Variants in FUBP3 observed in about 807,000 individuals in gnomAD.
FUBP3 encodes far upstream element-binding protein 3.
FUBP3 carries 28 observed loss-of-function variants against 85.6 expected under a neutral mutation model. The ratio of observed to expected loss-of-function variants is 0.33; its 90% confidence interval spans 0.24 to 0.45. The LOEUF is 0.45. FUBP3 is among the 20% of genes least tolerant of loss of function. The probability of loss-of-function intolerance (pLI) is 1.00; values close to 1 mark genes in which losing one functional copy is unlikely to be tolerated. For synonymous variants in FUBP3, 271 were observed against 271.4 expected, an observed-to-expected ratio of 1.00 and a Z score of 0.01; for missense variants, 583 against 755.1, an observed-to-expected ratio of 0.77 and a Z score of 2.67.
intron 13 of FUBP3, 35 bp from the exon 14 acceptor site, chr9:130,631,522 A>G: frequency 6.3e-7 from 1 of 1,576,282 alleles, no homozygotes; most frequent in Non-Finnish European, 8.7e-7. Context: ...GTGTGCAACC[A>G]ACAGCGGGTG....
rs750658354 is a variant in FUBP3, at chr9:130,595,484, T to G, written c.86T>G (p.Ile29Ser). 6.9e-7 allele frequency: 1 copy of G among 1,449,742 alleles called. No individual in the cohort carries two copies. The highest frequency in any genetic ancestry group is 1.4e-5 in the African/African-American group (1 of 71,822). The allele number at this position is 1,449,742 out of a possible 1,614,324, so 89.8% of individuals were successfully genotyped here. A position where few individuals can be genotyped will look rare whatever the true frequency, so the allele number is the denominator to read the frequency against. ...FVDALHRVRQ[I>S]AAKIDSIPHL... Reference sequence around the variant, plus strand: ...GTTTAAATCTGATTCTCTCTGTAGATTGCTGCTAAAATTGATTCAATTCCT... The same window carrying G: ...GTTTAAATCTGATTCTCTCTGTAGAGTGCTGCTAAAATTGATTCAATTCCT... The change falls in exon 2 of 19, where the codon ATT becomes AGT. Residue 29 changes from isoleucine (I) to serine (S), a missense_variant and splice_region_variant. Ile to Ser is a moderately radical substitution (Grantham distance 142). Around this residue, in one of 3 missense-constraint regions of FUBP3, gnomAD observed 177 missense variants for 221.9 expected, o/e 0.80. Coordinates refer to ENST00000319725, the MANE Select transcript of FUBP3 (RefSeq NM_003934.2).
intron 13 of FUBP3, 25 bp downstream of exon 13, chr9:130,630,813 C>A: frequency 7.0e-7 from 1 of 1,435,184 alleles, no homozygotes; most frequent in African/African-American, 1.5e-5. Flanking sequence ...CTTCCCCCAC[C>A]TGGTTTACTC....
rs1830381745 is a variant in FUBP3 at position 130,635,498 on chromosome 9, C to G, written c.1583-501C>G. 6.6e-6 allele frequency among the ~76,000 whole-genome samples: 1 copy of G among 152,152 alleles called. No homozygotes were observed. Among genetic ancestry groups the G allele is most frequent in the Non-Finnish European group, 1.5e-5 (1 of 68,036 alleles). On this transcript the variant is annotated intron_variant, in intron 17 of 18. Transcript: ENST00000319725. The surrounding 1 kb of genome is among the most constrained non-coding windows in gnomAD (Gnocchi z 4.3). ...TGGCATCATCGCCAGGTTCATGGCC[C>G]TTCTAGGGGTTGGAGGTGGGGGTGT...
chr9:130,589,992 G>T (rs1207471067), intron 1 of FUBP3, among the ~76,000 whole-genome samples: 1 of 134,180 alleles, frequency 7.5e-6, no homozygotes, highest in African/African-American at 2.8e-5. Flanking sequence ...TGGGATTACA[G>T]ATATGAGCCA....
At chr9:130,626,234 T>C (rs562112024) in intron 11 of FUBP3, 130 bp from the exon 12 acceptor site, 1 of 889,304 alleles carries the variant, frequency 1.1e-6, no homozygotes, top group Admixed American at 2.6e-5. Context: ...GAATGGGAAG[T>C]GTGGAAAGGT....
intron 9 of FUBP3, 35 bp from the exon 10 acceptor site, chr9:130,622,673 A>G (rs367775349): frequency 2.3e-5 from 24 of 1,063,454 alleles, no homozygotes; most frequent in Non-Finnish European, 3.1e-5. Context: ...AGGTTTGTGA[A>G]AAGTTCTGAT....
At position 130,628,096 on chromosome 9, in the gene FUBP3, A is replaced by G. The variant is rs953912489; in HGVS notation, c.1117+1591A>G. Among the ~76,000 whole-genome samples the G allele has an allele frequency of 9.0e-3, 918 of 101,454 alleles. 11 individuals are homozygous for G. Among genetic ancestry groups the G allele is most frequent in the African/African-American group, 0.032 (717 of 22,548 alleles). The allele number at this position is 101,454 out of a possible 152,430, so 66.6% of individuals were successfully genotyped here. On this transcript the variant is annotated intron_variant, in intron 12 of 18. Coordinates refer to ENST00000319725, the MANE Select transcript of FUBP3 (RefSeq NM_003934.2). ...CCGCACTAAACACACGCACGCACGC[A>G]CGCACGCGCACACACACACACACAC...
At position 130,579,617 on chromosome 9, in the gene FUBP3, A is replaced by T. The variant is rs1441577065; in HGVS notation, c.-64A>T. On this transcript the variant is annotated 5_prime_UTR_variant, in exon 1 of 19. Coordinates refer to ENST00000319725, the MANE Select transcript of FUBP3 (RefSeq NM_003934.2). ...GTCCCCAAGCGGAGCGGGAGGCCGG[A>T]CCGGGGAGCCGAGCGGCGGCGTCGG... 9.7e-7 allele frequency: 1 copy of T among 1,036,132 alleles called. No individual in the cohort carries two copies. The highest frequency in any genetic ancestry group is 1.7e-5 in the African/African-American group (1 of 60,152). 64.2% of individuals were successfully genotyped at this position (1,036,132 alleles called of 1,614,324 possible). A position where few individuals can be genotyped will look rare whatever the true frequency, so the allele number is the denominator to read the frequency against.
chr9:130,603,905 T>C (rs1831292105), intron 2 of FUBP3, among the ~76,000 whole-genome samples: 1 of 152,148 alleles, frequency 6.6e-6, no homozygotes, highest in Non-Finnish European at 1.5e-5. Context: ...TGGGCATTTA[T>C]CCCCAAGAAA....
chr9:130,632,571 C>T (rs899665917), intron 16 of FUBP3, among the ~76,000 whole-genome samples: 6 of 152,250 alleles, frequency 3.9e-5, no homozygotes, highest in African/African-American at 1.4e-4. Context: ...CTGTCACTTT[C>T]GTTCCCTATG....
Position 130,612,788 on chromosome 9 carries a change from G to A in FUBP3, c.275-168G>A, listed in dbSNP as rs923264754. ...TCTGCCTGTAGGCTGTTTCACAAGGGCTTTCTGCTGCCATCATGCCCAAAG... is the reference window on the plus strand; with the variant it reads ...TCTGCCTGTAGGCTGTTTCACAAGGACTTTCTGCTGCCATCATGCCCAAAG... On this transcript the variant is annotated intron_variant, in intron 4 of 18. Coordinates refer to ENST00000319725, the MANE Select transcript of FUBP3 (RefSeq NM_003934.2). This position sits in a 1 kb window ranked among gnomAD's most constrained non-coding sequence, Gnocchi z 4.1. Among the ~76,000 whole-genome samples the A allele has an allele frequency of 6.6e-6, 1 of 152,152 alleles. No homozygotes were observed. The highest frequency in any genetic ancestry group is 2.4e-5 in the African/African-American group (1 of 41,432).
chr9:130,612,967 G>C lies in FUBP3; in HGVS notation c.286G>C (p.Gly96Arg). ...TCAATTTGTTTCAGTTATCGGCAGG[G>C]GAGGTGAGCAGATTTCACGGATTCA... ...DKMVGFIIGRGGEQISRIQAE... is the reference protein window; with the variant it reads ...DKMVGFIIGRRGEQISRIQAE... Residue 96 changes from glycine (G) to arginine (R), a missense_variant, in exon 5 of 19, where the codon GGA (glycine) becomes CGA (arginine). Physicochemically the swap from Gly to Arg is moderately radical, Grantham distance 125. Around this residue, in one of 3 missense-constraint regions of FUBP3, gnomAD observed 177 missense variants for 221.9 expected, o/e 0.80. Coordinates refer to ENST00000319725, the MANE Select transcript of FUBP3 (RefSeq NM_003934.2). This position sits in a 1 kb window ranked among gnomAD's most constrained non-coding sequence, Gnocchi z 4.1. The C allele has an allele frequency of 6.2e-7, 1 of 1,611,622 alleles. No homozygotes were observed. The highest frequency in any genetic ancestry group is 8.5e-7 in the Non-Finnish European group (1 of 1,177,708).
At chr9:130,625,870 C>T (rs893146889) in intron 11 of FUBP3, among the ~76,000 whole-genome samples, 4 of 152,156 alleles carry the variant, frequency 2.6e-5, no homozygotes, top group Non-Finnish European at 4.4e-5. Flanking sequence ...GAGTAAAATC[C>T]GTTTATCCTT....
intron 2 of FUBP3, chr9:130,596,584 ACTC>A: frequency 2.9e-6 from 1 of 343,350 alleles, no homozygotes; most frequent in Non-Finnish European, 5.8e-6. Context: ...GCGCCGTTGA[ACTC>A]CTGGGCTCGA....
Position 130,635,694 on chromosome 9 carries a change from CTCTG to C in FUBP3, c.1583-298_1583-295del, listed in dbSNP as rs1830389443. Among the ~76,000 whole-genome samples the C allele has an allele frequency of 1.3e-5, 2 of 151,156 alleles. No homozygotes were observed. The highest frequency in any genetic ancestry group is 2.0e-4 in the East Asian group (1 of 5,042). On this transcript the variant is annotated intron_variant, in intron 17 of 18. Coordinates refer to ENST00000319725, the MANE Select transcript of FUBP3 (RefSeq NM_003934.2). The surrounding 1 kb of genome is among the most constrained non-coding windows in gnomAD (Gnocchi z 4.3). ...CACCCCCACCCCAGGATCCCCCCTTCTCTGTCTGTCACAGGGCCCTGGGAGCTGA... is the reference window on the plus strand; with the variant it reads ...CACCCCCACCCCAGGATCCCCCCTTCTCTGTCACAGGGCCCTGGGAGCTGA...
At position 130,590,872 on chromosome 9, in the gene FUBP3, C is replaced by T. The variant is rs189246961; in HGVS notation, c.85-4611C>T. Among the ~76,000 whole-genome samples, 32 of 152,290 alleles carry T rather than the reference C, an allele frequency of 2.1e-4. No homozygotes were observed. The East Asian group carries it at 6.0e-3, about 28-fold the overall frequency. On this transcript the variant is annotated intron_variant, in intron 1 of 18. Coordinates refer to ENST00000319725, the MANE Select transcript of FUBP3 (RefSeq NM_003934.2). ...AAAATAGGAAATTAATGTTTTCTAA[C>T]TTTAATGATTTGTGTACCTCCTTTA...
intron 1 of FUBP3, among the ~76,000 whole-genome samples, chr9:130,583,957 G>A (rs1419179728): frequency 1.3e-5 from 2 of 151,914 alleles, no homozygotes; most frequent in African/African-American, 2.4e-5. Context: ...GGCTGGTCTC[G>A]AACTCCTGGC....
chr9:130,631,586 C>T lies in FUBP3; in HGVS notation c.1308C>T (p.Phe436=), dbSNP rs749790122. 1.5e-5 allele frequency: 24 copies of T among 1,613,844 alleles called. No homozygotes were observed. The East Asian group carries it at 2.0e-4, about 13-fold the overall frequency. ...CCAATCTCGGAGCACCTGGAGCCTT[C>T]GGACAGAGTCCATTCAGCCAGCCAC... ...GGTNLGAPGA[F]GQSPFSQPPA... is the part of the protein sequence containing the mutation. The change falls in exon 14 of 19, where the codon TTC becomes TTT. Residue 436 remains phenylalanine, a synonymous_variant. Coordinates refer to ENST00000319725, the MANE Select transcript of FUBP3 (RefSeq NM_003934.2).
chr9:130,634,649 T>A lies in FUBP3; in HGVS notation c.1511-18T>A, dbSNP rs762338404. 21 of 1,610,938 alleles carry A rather than the reference T, an allele frequency of 1.3e-5. 1 individual carries two copies. In the South Asian group the frequency reaches 2.3e-4, roughly 18 times the overall value. The stretch of plus-strand genomic sequence containing the variant: ...GAGGAGCCCGTAAGGCCTGACTGCT[T>A]TTGTGTTCTTCGCACAGGCCAGCAG... On this transcript the variant is annotated intron_variant, in intron 16 of 18. Coordinates refer to ENST00000319725, the MANE Select transcript of FUBP3 (RefSeq NM_003934.2).
Sources: gnomAD v4.1 joint callset for allele counts (sites outside exome capture counted in the v4.1 genomes callset) on GRCh38, gnomAD v4.1.1 for gene constraint, gnomAD v4.1.1 regional missense constraint, Gnocchi (gnomAD v3.1) non-coding constraint, MANE v1.5 for transcripts, NCBI Gene and HGNC (gene_info 2026-07-23, HGNC 2026-07-21) for gene names.